ST8SIA1: variants seen among roughly 807,000 people sequenced by gnomAD.
ST8SIA1 encodes alpha-N-acetylneuraminide alpha-2,8-sialyltransferase.
ST8SIA1 carries 16 observed loss-of-function variants against 35.9 expected under a neutral mutation model. That is an observed-to-expected ratio of 0.45 (90% CI 0.30 to 0.68). The LOEUF (loss-of-function observed/expected upper bound fraction) is 0.68. ST8SIA1 is among the 30% of genes least tolerant of loss of function. The pLI is 0.09. For missense variants in ST8SIA1, 383 were observed against 453.6 expected, an observed-to-expected ratio of 0.84 and a Z score of 1.41; for synonymous variants, 170 against 169.6, an observed-to-expected ratio of 1.00 and a Z score of -0.02.
intron 4 of ST8SIA1, among the ~76,000 whole-genome samples, chr12:22,245,167 A>G (rs1463550637): frequency 6.6e-6 from 1 of 152,216 alleles, no homozygotes; most frequent in Non-Finnish European, 1.5e-5. Flanking sequence ...ATACACATGC[A>G]TGCATCATTA....
chr12:22,315,899 T>C (rs1487102661), intron 1 of ST8SIA1, among the ~76,000 whole-genome samples: 19 of 152,080 alleles, frequency 1.2e-4, no homozygotes. Flanking sequence ...AGATGATGGG[T>C]TGATAGGTAC....
chr12:22,315,326 G>A (rs1866504540), intron 1 of ST8SIA1, among the ~76,000 whole-genome samples: 1 of 152,104 alleles, frequency 6.6e-6, no homozygotes, highest in African/African-American at 2.4e-5. Context: ...TCACAGACCT[G>A]TGCTTCACTG....
chr12:22,242,559 A>G (rs951912210), intron 4 of ST8SIA1, among the ~76,000 whole-genome samples: 2 of 152,226 alleles, frequency 1.3e-5, no homozygotes, highest in Admixed American at 1.3e-4. Context: ...AATCAAGGGA[A>G]TGATGGATTT....
At chr12:22,276,854 G>GAA (rs59035534) in intron 2 of ST8SIA1, among the ~76,000 whole-genome samples, 13,568 of 146,732 alleles carry the variant, frequency 0.092, 727 homozygotes, top group East Asian at 0.16. Context: ...AAATAAAATG[G>GAA]AAAAAAAAAA....
chr12:22,227,062 C>T (rs952901343), intron 4 of ST8SIA1, among the ~76,000 whole-genome samples: 22 of 151,916 alleles, frequency 1.4e-4, no homozygotes, highest in Admixed American at 5.2e-4. Context: ...TCTCCTGTCT[C>T]GGCCTCCCAA....
intron 4 of ST8SIA1, among the ~76,000 whole-genome samples, chr12:22,246,494 A>G (rs573716710): frequency 1.0e-3 from 159 of 152,276 alleles, no homozygotes; most frequent in Non-Finnish European, 2.0e-3. Flanking sequence ...GAAACTCCAC[A>G]GTGCTATCTT....
At position 22,314,809 on chromosome 12, in the gene ST8SIA1, T is replaced by C. The variant is rs914621867; in HGVS notation, c.236+19188A>G. Among the ~76,000 whole-genome samples, 6 of 152,178 alleles carry C rather than the reference T, an allele frequency of 3.9e-5. No individual in the cohort carries two copies. The East Asian group carries it at 1.2e-3, about 29-fold the overall frequency. On this transcript the variant is annotated intron_variant, in intron 1 of 4. Coordinates refer to ENST00000396037, the MANE Select transcript of ST8SIA1 (RefSeq NM_003034.4). ...TCCAGGCGTACTTCTCCCAGATTCA[T>C]GCTCCTAATCACAGTTACCATGTTA...
chr12:22,330,647 G>A (rs1463891348), intron 1 of ST8SIA1, among the ~76,000 whole-genome samples: 2 of 152,086 alleles, frequency 1.3e-5, no homozygotes, highest in Non-Finnish European at 1.5e-5. Context: ...TCATAAATGT[G>A]GATAATGATA....
chr12:22,333,972 G>T, intron 1 of ST8SIA1, 25 bp downstream of exon 1: 1 of 1,604,622 alleles, frequency 6.2e-7, no homozygotes, highest in Non-Finnish European at 8.5e-7. Context: ...ACGCTAGAGG[G>T]GAGGAGCCGC....
At chr12:22,272,258 G>A (rs1456849094) in intron 2 of ST8SIA1, among the ~76,000 whole-genome samples, 3 of 152,136 alleles carry the variant, frequency 2.0e-5, no homozygotes, top group Non-Finnish European at 4.4e-5. Flanking sequence ...GTTTTACAGG[G>A]CCATTTCCTT....
At chr12:22,238,237 C>T (rs1865497879) in intron 4 of ST8SIA1, among the ~76,000 whole-genome samples, 2 of 152,182 alleles carry the variant, frequency 1.3e-5, no homozygotes, top group Admixed American at 1.3e-4. Flanking sequence ...GTGATTGCTT[C>T]AAGCAATAGA....
intron 4 of ST8SIA1, among the ~76,000 whole-genome samples, chr12:22,210,698 G>A (rs1419437009): frequency 2.6e-5 from 4 of 152,138 alleles, no homozygotes; most frequent in Non-Finnish European, 5.9e-5. Flanking sequence ...ACAAATCTCA[G>A]GCAAACGTTC....
chr12:22,213,303 C>A (rs1420629), intron 4 of ST8SIA1, among the ~76,000 whole-genome samples: 16,305 of 152,226 alleles, frequency 0.11, 1,131 homozygotes, highest in Middle Eastern at 0.21. Context: ...TCTTTCTCTA[C>A]TATAATACCT....
At chr12:22,287,335 A>G in intron 1 of ST8SIA1, 42 bp from the exon 2 acceptor site, 1 of 1,588,942 alleles carries the variant, frequency 6.3e-7, no homozygotes, top group Non-Finnish European at 8.6e-7. Context: ...CAGCAGGTTA[A>G]ATGAGGAGCA....
intron 1 of ST8SIA1, chr12:22,325,571 A>T (rs971706215): frequency 2.9e-6 from 2 of 684,342 alleles, no homozygotes; most frequent in Non-Finnish European, 5.3e-6. Context: ...TTGGTTTCTT[A>T]CTGATTTAAG....
intron 4 of ST8SIA1, among the ~76,000 whole-genome samples, chr12:22,214,783 C>T (rs1285821366): frequency 6.6e-6 from 1 of 152,116 alleles, no homozygotes; most frequent in African/African-American, 2.4e-5. Flanking sequence ...AATTCCATCA[C>T]AAGATTCTTG....
intron 1 of ST8SIA1, among the ~76,000 whole-genome samples, chr12:22,318,653 C>G (rs1866547938): frequency 6.6e-6 from 1 of 152,218 alleles, no homozygotes; most frequent in Non-Finnish European, 1.5e-5. Context: ...TCCTTCCTCA[C>G]TGCTTTATTT....
chr12:22,330,337 G>A (rs1268151907), intron 1 of ST8SIA1, among the ~76,000 whole-genome samples: 1 of 152,154 alleles, frequency 6.6e-6, no homozygotes, highest in African/African-American at 2.4e-5. Context: ...CATCATTCCA[G>A]GCGCTGTCTA....
chr12:22,224,007 T>C (rs1169560832), intron 4 of ST8SIA1, among the ~76,000 whole-genome samples: 1 of 152,208 alleles, frequency 6.6e-6, no homozygotes, highest in Non-Finnish European at 1.5e-5. Context: ...TTGATACATG[T>C]CAATTCTTTT....
Sources: gnomAD v4.1 joint callset for allele counts (sites outside exome capture counted in the v4.1 genomes callset) on GRCh38, gnomAD v4.1.1 for gene constraint, MANE v1.5 for transcripts, NCBI Gene and HGNC (gene_info 2026-07-23, HGNC 2026-07-21) for gene names.